The following CNTNAP2 variants were observed in gnomAD, a reference collection of about 807,000 sequenced individuals.
CNTNAP2 encodes the protein contactin-associated protein-like 2.
A neutral mutation model predicts 155.2 loss-of-function variants in CNTNAP2; 98 were observed. That is an observed-to-expected ratio of 0.63 (90% CI 0.54 to 0.75). CNTNAP2 has a LOEUF of 0.75. CNTNAP2 is among the 30% of genes least tolerant of loss of function. CNTNAP2 has a pLI of 0.00. For missense variants in CNTNAP2, 1,727 were observed against 1,688.1 expected, an observed-to-expected ratio of 1.02 and a Z score of -0.40; for synonymous variants, 651 against 631.2, an observed-to-expected ratio of 1.03 and a Z score of -0.47.
intron 8 of CNTNAP2, among the ~76,000 whole-genome samples, chr7:147,143,538 C>T (rs551563650): frequency 6.6e-6 from 1 of 152,040 alleles, no homozygotes; most frequent in Non-Finnish European, 1.5e-5. Context: ...CAATGTCTTA[C>T]TTATGGCATG....
intron 9 of CNTNAP2, among the ~76,000 whole-genome samples, chr7:147,364,078 C>A (rs963224833): frequency 2.6e-5 from 4 of 152,072 alleles, no homozygotes; most frequent in Non-Finnish European, 4.4e-5. Context: ...GTTTTTCTTT[C>A]CCTTATGGTT....
intron 13 of CNTNAP2, among the ~76,000 whole-genome samples, chr7:147,694,364 G>A (rs1225514795): frequency 1.3e-5 from 2 of 152,030 alleles, no homozygotes; most frequent in Non-Finnish European, 2.9e-5. Flanking sequence ...CAAAGTATGA[G>A]TTAGGACATA....
chr7:146,369,105 C>T (rs977690128), intron 1 of CNTNAP2, among the ~76,000 whole-genome samples: 19 of 147,976 alleles, frequency 1.3e-4, no homozygotes, highest in African/African-American at 4.4e-4. Context: ...CAGTCTCATT[C>T]GTAGTTTTAT....
intron 1 of CNTNAP2, among the ~76,000 whole-genome samples, chr7:146,725,134 A>G (rs1198034585): frequency 4.0e-5 from 6 of 150,516 alleles, no homozygotes; most frequent in Admixed American, 3.9e-4. Flanking sequence ...CTCCATGCTC[A>G]CTCACATGGT....
intron 1 of CNTNAP2, among the ~76,000 whole-genome samples, chr7:146,346,050 G>A (rs114546447): frequency 2.4e-3 from 360 of 152,316 alleles, no homozygotes; most frequent in African/African-American, 8.2e-3. Flanking sequence ...GGTTATAAAG[G>A]AGCTGGGGGA....
At chr7:146,998,349 CCT>C (rs1475890804) in intron 3 of CNTNAP2, among the ~76,000 whole-genome samples, 5 of 151,972 alleles carry the variant, frequency 3.3e-5, no homozygotes, top group East Asian at 1.9e-4. Flanking sequence ...CAACGTTCCC[CCT>C]GTTATTGATT....
intron 6 of CNTNAP2, among the ~76,000 whole-genome samples, chr7:147,123,497 T>C (rs1409713369): frequency 1.3e-5 from 2 of 152,202 alleles, no homozygotes; most frequent in Non-Finnish European, 1.5e-5. Context: ...AATGTCGTGT[T>C]TGAGAACTGC....
intron 13 of CNTNAP2, among the ~76,000 whole-genome samples, chr7:147,641,990 TATC>T (rs1257484782): frequency 6.8e-6 from 1 of 147,344 alleles, no homozygotes; most frequent in Admixed American, 7.0e-5. Context: ...CACTTTCACT[TATC>T]ATAGGTGTGT....
chr7:146,128,876 G>GA (rs11402701), intron 1 of CNTNAP2, among the ~76,000 whole-genome samples: 45,898 of 150,172 alleles, frequency 0.31, 8,084 homozygotes, highest in African/African-American at 0.49. Context: ...TGGTATTACA[G>GA]AAAAAAAAAC....
Position 147,424,305 on chromosome 7 carries a change from T to C in CNTNAP2, c.1670+28525T>C, listed in dbSNP as rs150376435. 3.0e-3 allele frequency among the ~76,000 whole-genome samples: 456 copies of C among 152,300 alleles called. 3 individuals carry two copies. The highest frequency in any genetic ancestry group is 0.01 in the African/African-American group (433 of 41,568). The stretch of plus-strand genomic sequence containing the variant: ...TTTTGAACCTATTTCAAAAAGACTT[T>C]CATCCCCACCATATCAGTCCCTGTC... On this transcript the variant is annotated intron_variant, in intron 10 of 23. Coordinates refer to ENST00000361727, the MANE Select transcript of CNTNAP2 (RefSeq NM_014141.6).
At chr7:146,776,540 G>C (rs1399639023) in intron 2 of CNTNAP2, among the ~76,000 whole-genome samples, 1 of 152,154 alleles carries the variant, frequency 6.6e-6, no homozygotes, top group East Asian at 1.9e-4. Context: ...TTGTAGGAGA[G>C]AGTATAAATG....
intron 11 of CNTNAP2, among the ~76,000 whole-genome samples, chr7:147,530,784 C>A (rs1321910320): frequency 6.6e-6 from 1 of 152,104 alleles, no homozygotes; most frequent in Non-Finnish European, 1.5e-5. Context: ...AATAGTCCCC[C>A]AAAGTCTTAA....
chr7:147,771,174 G>A (rs1208018905), intron 13 of CNTNAP2, among the ~76,000 whole-genome samples: 6 of 152,172 alleles, frequency 3.9e-5, no homozygotes, highest in Non-Finnish European at 8.8e-5. Context: ...TTGGCCTGTT[G>A]CATCACACCA....
chr7:146,875,960 A>C lies in CNTNAP2; in HGVS notation c.402+36056A>C, dbSNP rs56669630. Reference sequence around the variant, plus strand: ...AAAAAAAAAAAAAAAAAAAAAAAAAAACAAAAAACAAAAAAACGAGAAGAA... The same window carrying C: ...AAAAAAAAAAAAAAAAAAAAAAAAACACAAAAAACAAAAAAACGAGAAGAA... On this transcript the variant is annotated intron_variant, in intron 3 of 23. Coordinates refer to ENST00000361727, the MANE Select transcript of CNTNAP2 (RefSeq NM_014141.6). 1.9e-3 allele frequency among the ~76,000 whole-genome samples: 220 copies of C among 113,928 alleles called. 4 individuals are homozygous for C. The highest frequency in any genetic ancestry group is 7.3e-3 in the African/African-American group (211 of 29,000). The allele number at this position is 113,928 out of a possible 152,430, so 74.7% of individuals were successfully genotyped here. A position where few individuals can be genotyped will look rare whatever the true frequency, so the allele number is the denominator to read the frequency against.
chr7:146,549,521 A>G (rs1436123372), intron 1 of CNTNAP2, among the ~76,000 whole-genome samples: 1 of 152,084 alleles, frequency 6.6e-6, no homozygotes, highest in Admixed American at 6.6e-5. Context: ...AGGCTAAGTC[A>G]CTTGAACCCC....
intron 3 of CNTNAP2, among the ~76,000 whole-genome samples, chr7:146,869,478 A>G (rs1269418428): frequency 6.6e-6 from 1 of 152,096 alleles, no homozygotes. Context: ...GTATATTTGA[A>G]AGGGAGTTTA....
intron 8 of CNTNAP2, among the ~76,000 whole-genome samples, chr7:147,233,788 A>T (rs1195622015): frequency 6.6e-6 from 1 of 151,418 alleles, no homozygotes; most frequent in African/African-American, 2.4e-5. Flanking sequence ...GAAAATGTAT[A>T]TGTCTAAAAC....
chr7:147,353,673 T>G (rs1796008535), intron 9 of CNTNAP2, among the ~76,000 whole-genome samples: 1 of 152,064 alleles, frequency 6.6e-6, no homozygotes. Context: ...GTCATGGGAT[T>G]GCTGGGTCAA....
chr7:147,126,432 C>CTGTGGTCCAACCAG (rs1801239210), intron 6 of CNTNAP2, among the ~76,000 whole-genome samples: 1 of 152,090 alleles, frequency 6.6e-6, no homozygotes, highest in Non-Finnish European at 1.5e-5. Context: ...AGAAAATATT[C>CTGTGGTCCAACCAG]TGTGGTCCAA....
Sources: allele counts gnomAD v4.1 joint callset (sites outside exome capture counted in the v4.1 genomes callset), GRCh38; gene constraint gnomAD v4.1.1; transcripts MANE v1.5; gene names NCBI Gene and HGNC (gene_info 2026-07-23, HGNC 2026-07-21).